The following PTPN21 variants were observed in gnomAD, a reference collection of about 807,000 sequenced individuals.
PTPN21 encodes protein tyrosine phosphatase non-receptor type 21, also known as tyrosine-protein phosphatase non-receptor type 21.
PTPN21 carries 77 observed loss-of-function variants against 131.8 expected under a neutral mutation model. That is an observed-to-expected ratio of 0.58 (90% CI 0.49 to 0.71). The LOEUF (loss-of-function observed/expected upper bound fraction) is 0.71. Ranked by LOEUF, PTPN21 falls within the 30% of genes least tolerant of loss-of-function variation. The pLI is 0.00. For missense variants in PTPN21, 1,552 were observed against 1,527.1 expected (o/e 1.02, Z -0.27); for synonymous variants, 715 against 621.3 (o/e 1.15, Z -2.24).
Position 88,480,254 on chromosome 14 carries a change from T to C in PTPN21, c.1177A>G (p.Ser393Gly), listed in dbSNP as rs1312766691. Residue 393 changes from serine to glycine, a missense_variant, in exon 13 of 19, where the codon AGT (serine) becomes GGT (glycine). Around this residue, in one of 4 missense-constraint regions of PTPN21, gnomAD observed 1,016 missense variants for 883.5 expected, o/e 1.15. Coordinates refer to ENST00000556564, the MANE Select transcript of PTPN21 (RefSeq NM_007039.4). ...IDLNGRIRNG[S>G]VYSAHSTNSL... ...TTGGTGCTGTGTGCACTGTAGACACTGCCATTACGGATCCGACCGTTGAGG... is the reference window on the plus strand; with the variant it reads ...TTGGTGCTGTGTGCACTGTAGACACCGCCATTACGGATCCGACCGTTGAGG... The C allele has an allele frequency of 6.2e-7, 1 of 1,614,062 alleles. No homozygotes were observed. Among genetic ancestry groups the C allele is most frequent in the Non-Finnish European group, 8.5e-7 (1 of 1,179,882 alleles).
intron 8 of PTPN21, among the ~76,000 whole-genome samples, chr14:88,497,706 G>T (rs1595370496): frequency 6.6e-6 from 1 of 152,074 alleles, no homozygotes; most frequent in Non-Finnish European, 1.5e-5. Flanking sequence ...GTGAACCCGG[G>T]AGGCAGAGCT....
rs778100559 is a variant in PTPN21 at position 88,507,959 on chromosome 14, C to T, written c.412G>A (p.Glu138Lys). The change falls in exon 4 of 19, where the codon GAA becomes AAA. Residue 138 changes from glutamate (E) to lysine (K), a missense_variant. Physicochemically the swap from Glu to Lys is moderately conservative, Grantham distance 56 (BLOSUM62 1). This residue lies in a region of PTPN21 where 206 missense variants were observed against 221.6 expected (regional missense o/e 0.93). Transcript: ENST00000556564. Reference protein sequence around the residue: ...ILEGSIPCTLEQAIQLAGLAV... With the variant: ...ILEGSIPCTLKQAIQLAGLAV... ...AAGCCTGCTAGCTGAATTGCTTGTT[C>T]TAAGGTACAAGGAATACTTCCTTCC... 3.1e-6 allele frequency: 5 copies of T among 1,607,258 alleles called. No individual in the cohort carries two copies. The highest frequency in any genetic ancestry group is 1.7e-5 in the Admixed American group (1 of 59,780).
intron 2 of PTPN21, 33 bp downstream of exon 2, chr14:88,550,205 G>A (rs1233904059): frequency 6.3e-7 from 1 of 1,591,954 alleles, no homozygotes; most frequent in Non-Finnish European, 8.5e-7. Context: ...TGAGCCACCC[G>A]CGCCTGGCCT....
At chr14:88,539,241 G>A (rs1221027486) in intron 2 of PTPN21, among the ~76,000 whole-genome samples, 4 of 143,600 alleles carry the variant, frequency 2.8e-5, no homozygotes, top group Admixed American at 2.0e-4. Flanking sequence ...CTGCCACCAC[G>A]CCCGGTTAAT....
chr14:88,495,057 G>C (rs1303093773), intron 10 of PTPN21, among the ~76,000 whole-genome samples: 1 of 140,674 alleles, frequency 7.1e-6, no homozygotes, highest in Non-Finnish European at 1.5e-5. Context: ...GTCAGTGTCA[G>C]GATCTGATTC....
intron 2 of PTPN21, among the ~76,000 whole-genome samples, chr14:88,530,463 T>TAA (rs1189250946): frequency 1.1e-4 from 17 of 152,276 alleles, no homozygotes; most frequent in South Asian, 2.1e-4. Flanking sequence ...TAAATGGTCC[T>TAA]AAATGCTTCC....
At chr14:88,522,487 T>C (rs2078411261) in intron 2 of PTPN21, among the ~76,000 whole-genome samples, 1 of 151,048 alleles carries the variant, frequency 6.6e-6, no homozygotes. Flanking sequence ...GTTGGTTAGC[T>C]CTTTTAAATA....
chr14:88,501,512 A>T (rs1008744847), intron 6 of PTPN21, 144 bp from the exon 7 acceptor site: 17 of 714,420 alleles, frequency 2.4e-5, no homozygotes, highest in Non-Finnish European at 3.3e-5. Flanking sequence ...GGCTATATCA[A>T]TCTTGCTATT....
At position 88,498,808 on chromosome 14, in the gene PTPN21, G is replaced by A. The variant is rs116775256; in HGVS notation, c.765-1518C>T. ...AAATCTTATACTTTCTAATTTTATCGTATTAGCTTTTATATGTTAATATTT... is the reference window on the plus strand; with the variant it reads ...AAATCTTATACTTTCTAATTTTATCATATTAGCTTTTATATGTTAATATTT... On this transcript the variant is annotated intron_variant, in intron 8 of 18. Transcript: ENST00000556564. Among the ~76,000 whole-genome samples the A allele has an allele frequency of 8.3e-3, 1,263 of 152,070 alleles. 15 individuals are homozygous for A. Among genetic ancestry groups the A allele is most frequent in the African/African-American group, 0.028 (1,170 of 41,494 alleles).
At chr14:88,505,812 T>C (rs1305942216) in intron 4 of PTPN21, among the ~76,000 whole-genome samples, 2 of 152,196 alleles carry the variant, frequency 1.3e-5, no homozygotes, top group Non-Finnish European at 1.5e-5. Context: ...TTTAAAAAAT[T>C]GACAATTCAG....
chr14:88,479,755 C>A lies in PTPN21; in HGVS notation c.1676G>T (p.Arg559Leu), dbSNP rs765737049. 2 of 1,543,738 alleles carry A rather than the reference C, an allele frequency of 1.3e-6. No individual in the cohort carries two copies. The highest frequency in any genetic ancestry group is 1.8e-5 in the Admixed American group (1 of 54,342). The change falls in exon 13 of 19, where the codon CGG (arginine) becomes CTG (leucine). Residue 559 changes from arginine (R) to leucine (L), a missense_variant. By Grantham distance (102) the Arg-to-Leu change is moderately radical. This residue lies in a region of PTPN21 where 1,016 missense variants were observed against 883.5 expected (regional missense o/e 1.15). Coordinates refer to ENST00000556564, the MANE Select transcript of PTPN21 (RefSeq NM_007039.4). ...TGGGGGTGGCCGGTACACCTGCGTC[C>A]GCATGATGTTGGGAGACGGGTAGTC... Reference protein sequence around the residue: ...AQDYPSPNIMRTQVYRPPPPY... With the variant: ...AQDYPSPNIMLTQVYRPPPPY...
intron 10 of PTPN21, among the ~76,000 whole-genome samples, chr14:88,494,026 G>GCAAA (rs374937965): frequency 1.3e-5 from 2 of 152,186 alleles, no homozygotes; most frequent in South Asian, 2.1e-4. Flanking sequence ...GGGGATACAG[G>GCAAA]CAAACAAACA....
At chr14:88,519,318 T>TA (rs1161350484) in intron 2 of PTPN21, among the ~76,000 whole-genome samples, 2 of 152,182 alleles carry the variant, frequency 1.3e-5, no homozygotes, top group African/African-American at 4.8e-5. Context: ...CAACAGAACT[T>TA]AGTGTGATGA....
Position 88,469,839 on chromosome 14 carries a change from CT to C in PTPN21, c.3000+82del. 6.2e-7 allele frequency: 1 copy of C among 1,605,950 alleles called. No homozygotes were observed. The highest frequency in any genetic ancestry group is 8.5e-7 in the Non-Finnish European group (1 of 1,172,822). On this transcript the variant is annotated intron_variant, in intron 16 of 18. Transcript: ENST00000556564. This position sits in a 1 kb window ranked among gnomAD's most constrained non-coding sequence, Gnocchi z 4.3. The stretch of plus-strand genomic sequence containing the variant: ...AACCACAACCCTACCCTGCCTTTTT[CT>C]CCACAGGTCAGGATTCCAGATGATT...
intron 2 of PTPN21, among the ~76,000 whole-genome samples, chr14:88,536,106 G>A (rs2078627717): frequency 6.6e-6 from 1 of 152,170 alleles, no homozygotes; most frequent in Non-Finnish European, 1.5e-5. Context: ...TGACCTGTGG[G>A]AAACTCATTC....
At chr14:88,487,064 C>T (rs530508778) in intron 10 of PTPN21, among the ~76,000 whole-genome samples, 1 of 150,046 alleles carries the variant, frequency 6.7e-6, no homozygotes, top group South Asian at 2.1e-4. Flanking sequence ...CAACTACTCA[C>T]ACAGCAAGTT....
intron 5 of PTPN21, 73 bp downstream of exon 5, chr14:88,505,231 C>A: frequency 8.1e-7 from 1 of 1,229,080 alleles, no homozygotes; most frequent in Non-Finnish European, 1.2e-6. Context: ...ATACGGATTT[C>A]ATTTCAGGGA....
chr14:88,533,519 A>C (rs529990188), intron 2 of PTPN21, among the ~76,000 whole-genome samples: 22 of 152,240 alleles, frequency 1.4e-4, no homozygotes, highest in Non-Finnish European at 2.8e-4. Flanking sequence ...CTGGACGATA[A>C]TAAATGACTA....
chr14:88,467,594 C>CATT lies in PTPN21; in HGVS notation c.*540_*542dup, dbSNP rs1566802272. 6.6e-6 allele frequency: 1 copy of CATT among 152,130 alleles called. No homozygotes were observed. Among genetic ancestry groups the CATT allele is most frequent in the African/African-American group, 2.4e-5 (1 of 41,376 alleles). The allele number at this position is 152,130 out of a possible 1,614,324, so 9.4% of individuals were successfully genotyped here. A position where few individuals can be genotyped will look rare whatever the true frequency, so the allele number is the denominator to read the frequency against. ...ATAGTTTTCAGTTTGGCAACTAAACCATTATTAAGTACCCAAGGTTTTTAA... is the reference window on the plus strand; with the variant it reads ...ATAGTTTTCAGTTTGGCAACTAAACCATTATTATTAAGTACCCAAGGTTTTTAA... On this transcript the variant is annotated 3_prime_UTR_variant, in exon 19 of 19. Coordinates refer to ENST00000556564, the MANE Select transcript of PTPN21 (RefSeq NM_007039.4).
Sources: allele counts gnomAD v4.1 joint callset (sites outside exome capture counted in the v4.1 genomes callset), GRCh38; gene constraint gnomAD v4.1.1; regional missense constraint gnomAD v4.1.1; non-coding constraint Gnocchi (gnomAD v3.1); transcripts MANE v1.5; gene names NCBI Gene and HGNC (gene_info 2026-07-23, HGNC 2026-07-21).